Variants in AOPEP observed in about 807,000 individuals in gnomAD.
AOPEP encodes aminopeptidase O.
A neutral mutation model predicts 98.1 loss-of-function variants in AOPEP; 77 were observed. The observed-to-expected ratio is 0.78, with a 90% CI of 0.65 to 0.95. The LOEUF (loss-of-function observed/expected upper bound fraction) is 0.95, where lower values mean the gene tolerates loss of function less well. Among genes scored for constraint, AOPEP ranks in the 40% least tolerant of loss-of-function variants. The probability of loss-of-function intolerance (pLI) is 0.00; values close to 1 mark genes in which losing one functional copy is unlikely to be tolerated. For synonymous variants in AOPEP, 346 were observed against 365.3 expected (o/e 0.95, Z 0.60); for missense variants, 1,024 against 1,024.7 (o/e 1.00, Z 0.01).
At chr9:94,994,171 G>A (rs1381094570) in intron 11 of AOPEP, among the ~76,000 whole-genome samples, 6 of 152,122 alleles carry the variant, frequency 3.9e-5, no homozygotes, top group Admixed American at 1.3e-4. Context: ...TCCTCAAATT[G>A]TATTTCCTAG....
At chr9:94,863,818 GA>G (rs1207490867) in intron 5 of AOPEP, among the ~76,000 whole-genome samples, 1 of 152,224 alleles carries the variant, frequency 6.6e-6, no homozygotes. Flanking sequence ...CAGGAAGGAG[GA>G]AAGGAGGAAG....
chr9:94,955,342 T>A, intron 8 of AOPEP, 63 bp downstream of exon 8: 2 of 969,114 alleles, frequency 2.1e-6, no homozygotes, highest in Non-Finnish European at 3.2e-6. Flanking sequence ...GCCACACAAT[T>A]AAACAATGAT....
chr9:95,066,170 T>A (rs538460053), intron 14 of AOPEP, among the ~76,000 whole-genome samples: 1 of 152,354 alleles, frequency 6.6e-6, no homozygotes, highest in South Asian at 2.1e-4. Flanking sequence ...AAACATTTAA[T>A]CGATGTTTCA....
intron 13 of AOPEP, among the ~76,000 whole-genome samples, chr9:95,060,277 G>A (rs1888946): frequency 0.79 from 119,677 of 152,074 alleles, 48,620 homozygotes; most frequent in Non-Finnish European, 0.89. Flanking sequence ...ACTGAATGCC[G>A]CATCTTAGTT....
chr9:94,776,447 G>T (rs750016298), intron 3 of AOPEP, among the ~76,000 whole-genome samples: 15 of 152,118 alleles, frequency 9.9e-5, no homozygotes, highest in Non-Finnish European at 2.2e-4. Context: ...GACTACAGGC[G>T]CACGCCGCCA....
intron 16 of AOPEP, among the ~76,000 whole-genome samples, chr9:95,083,377 GCGGCACACA>G (rs1215424699): frequency 1.4e-4 from 20 of 141,104 alleles, no homozygotes; most frequent in African/African-American, 4.8e-4. Flanking sequence ...CAGAGCACAC[GCGGCACACA>G]CAGCACACAC....
chr9:94,938,291 C>T (rs897853856), intron 7 of AOPEP, among the ~76,000 whole-genome samples: 8 of 152,180 alleles, frequency 5.3e-5, no homozygotes, highest in Non-Finnish European at 1.2e-4. Flanking sequence ...TGAGAGGGTG[C>T]TCCGTGAGTG....
chr9:95,111,859 T>C, the AOPEP span, among the ~76,000 whole-genome samples: 7 of 152,296 alleles, frequency 4.6e-5, no homozygotes, highest in African/African-American at 1.7e-4. Flanking sequence ...CCGTGAGGCC[T>C]GAGGCCTTTG....
At chr9:94,853,516 A>C in intron 5 of AOPEP, among the ~76,000 whole-genome samples, 1 of 152,300 alleles carries the variant, frequency 6.6e-6, no homozygotes, top group Middle Eastern at 3.4e-3. Context: ...CTCACTGTGT[A>C]CTGTCCTTTT....
chr9:94,768,909 G>C (rs560840209), intron 2 of AOPEP, among the ~76,000 whole-genome samples: 68 of 152,372 alleles, frequency 4.5e-4, no homozygotes, highest in African/African-American at 1.5e-3. Flanking sequence ...TATCCTATGA[G>C]CATTTTAGCA....
At chr9:95,073,512 C>T (rs377273810) in intron 14 of AOPEP, among the ~76,000 whole-genome samples, 6 of 151,572 alleles carry the variant, frequency 4.0e-5, no homozygotes, top group South Asian at 2.1e-4. Flanking sequence ...AGGCCGGGCG[C>T]GGGGGCTCCC....
chr9:94,742,175 A>G (rs372672343), intron 1 of AOPEP, among the ~76,000 whole-genome samples: 3 of 152,346 alleles, frequency 2.0e-5, no homozygotes, highest in Admixed American at 6.5e-5. Context: ...GAAGAGTTGT[A>G]TACAAGAATT....
At chr9:94,731,790 C>CTTTTTTTT (rs564831468) in intron 1 of AOPEP, among the ~76,000 whole-genome samples, 23 of 86,276 alleles carry the variant, frequency 2.7e-4, no homozygotes, top group African/African-American at 6.2e-4. Flanking sequence ...TCTCTTTTGC[C>CTTTTTTTT]TTTTTTTTTT....
At chr9:95,107,048 G>C in the AOPEP span, 1 of 1,613,454 alleles carries the variant, frequency 6.2e-7, no homozygotes. Flanking sequence ...TAGGATGCTG[G>C]ACCACAGGGA....
At chr9:94,791,017 G>A (rs1431908275) in intron 3 of AOPEP, among the ~76,000 whole-genome samples, 3 of 152,028 alleles carry the variant, frequency 2.0e-5, no homozygotes, top group Admixed American at 6.5e-5. Flanking sequence ...CCTCCCTATG[G>A]GAACATGAGG....
chr9:94,773,086 G>C lies in AOPEP; in HGVS notation c.882G>C (p.Trp294Cys), dbSNP rs766915193. ...CQEPPVAMST[W>C]QATVRAAASF... ...AGCCACCCGTTGCCATGTCAACATGGCAGGCTACAGTTCGAGCAGCTGCAT... is the reference window on the plus strand; with the variant it reads ...AGCCACCCGTTGCCATGTCAACATGCCAGGCTACAGTTCGAGCAGCTGCAT... The change falls in exon 3 of 17, where the codon TGG (tryptophan) becomes TGC (cysteine). Residue 294 changes from tryptophan to cysteine, a missense_variant. Coordinates refer to ENST00000375315, the MANE Select transcript of AOPEP (RefSeq NM_001193329.3). The C allele has an allele frequency of 3.7e-6, 6 of 1,614,078 alleles. No individual in the cohort carries two copies. In the South Asian group the frequency reaches 5.5e-5, roughly 15 times the overall value.
At chr9:94,984,922 G>A (rs2060422738) in intron 11 of AOPEP, among the ~76,000 whole-genome samples, 1 of 152,218 alleles carries the variant, frequency 6.6e-6, no homozygotes, top group African/African-American at 2.4e-5. Context: ...AGAATCCACA[G>A]GTACGGGGCG....
At chr9:95,035,117 CCT>C (rs1170617268) in intron 13 of AOPEP, among the ~76,000 whole-genome samples, 2 of 152,116 alleles carry the variant, frequency 1.3e-5, no homozygotes, top group Admixed American at 6.5e-5. Context: ...TATCCCTCCC[CCT>C]GTCCCCCACC....
intron 2 of AOPEP, among the ~76,000 whole-genome samples, chr9:94,766,361 A>G (rs1036302898): frequency 1.3e-5 from 2 of 151,962 alleles, no homozygotes; most frequent in African/African-American, 4.8e-5. Flanking sequence ...ATGAGGTGAA[A>G]CCCCGTCTCT....
Sources: gnomAD v4.1 joint callset for allele counts (sites outside exome capture counted in the v4.1 genomes callset) on GRCh38, gnomAD v4.1.1 for gene constraint, MANE v1.5 for transcripts, NCBI Gene and HGNC (gene_info 2026-07-23, HGNC 2026-07-21) for gene names.